The following PCNX2 variants were observed in gnomAD, a reference collection of about 807,000 sequenced individuals.
The protein encoded by PCNX2 is pecanex 2, also known as pecanex-like protein 2.
In PCNX2, 168 loss-of-function variants were observed where a neutral mutation model predicts 223.8. The observed-to-expected ratio is 0.75, with a 90% CI of 0.66 to 0.85. The LOEUF is 0.85. PCNX2 is among the 40% of genes least tolerant of loss of function. The pLI is 0.00. For synonymous variants in PCNX2, 1,006 were observed against 1,052.6 expected (o/e 0.96, Z 0.86); for missense variants, 2,507 against 2,675.5 (o/e 0.94, Z 1.39).
At chr1:233,040,892 T>C (rs1671622434) in intron 25 of PCNX2, among the ~76,000 whole-genome samples, 1 of 152,194 alleles carries the variant, frequency 6.6e-6, no homozygotes, top group Non-Finnish European at 1.5e-5. Context: ...TCTAAAGATA[T>C]CAGTTTGAAA....
intron 1 of PCNX2, among the ~76,000 whole-genome samples, chr1:233,283,194 TA>T: frequency 6.6e-6 from 1 of 152,214 alleles, no homozygotes; most frequent in East Asian, 1.9e-4. Flanking sequence ...AAATATGAAA[TA>T]ATGGAAGGAG....
intron 21 of PCNX2, among the ~76,000 whole-genome samples, chr1:233,125,464 C>T (rs1319888229): frequency 2.0e-5 from 3 of 152,176 alleles, no homozygotes; most frequent in Non-Finnish European, 2.9e-5. Context: ...CTCACATGCA[C>T]CAGTATGTTA....
chr1:233,097,164 T>C (rs1674221222), intron 21 of PCNX2, among the ~76,000 whole-genome samples: 1 of 152,158 alleles, frequency 6.6e-6, no homozygotes, highest in South Asian at 2.1e-4. Context: ...TGGTTATGCA[T>C]AGAACCCCTG....
chr1:232,993,379 T>A (rs1386442897), intron 32 of PCNX2, among the ~76,000 whole-genome samples: 3 of 152,210 alleles, frequency 2.0e-5, no homozygotes, highest in Non-Finnish European at 4.4e-5. Context: ...TTGAGAGAGA[T>A]GATTTAGGGT....
chr1:233,001,720 G>T lies in PCNX2; in HGVS notation c.4953-39C>A. 1 of 1,481,492 alleles carries T rather than the reference G, an allele frequency of 6.7e-7. No homozygotes were observed. Among genetic ancestry groups the T allele is most frequent in the South Asian group, 1.5e-5 (1 of 68,452 alleles). The allele number at this position is 1,481,492 out of a possible 1,614,324, so 91.8% of individuals were successfully genotyped here. A position where few individuals can be genotyped will look rare whatever the true frequency, so the allele number is the denominator to read the frequency against. On this transcript the variant is annotated intron_variant, in intron 28 of 33. Transcript: ENST00000258229. The surrounding 1 kb of genome is among the most constrained non-coding windows in gnomAD (Gnocchi z 4.2). ...TCCTATTACTATGGAACAAATTTCAGAATCCTGTCATTGTGAGCAAAGTTT... is the reference window on the plus strand; with the variant it reads ...TCCTATTACTATGGAACAAATTTCATAATCCTGTCATTGTGAGCAAAGTTT...
chr1:233,225,418 T>C (rs1042726643), intron 10 of PCNX2, among the ~76,000 whole-genome samples: 7 of 152,270 alleles, frequency 4.6e-5, no homozygotes, highest in South Asian at 2.1e-4. Flanking sequence ...CCTAAGATCA[T>C]AGCACTAATA....
At chr1:233,227,441 T>C in intron 9 of PCNX2, 70 bp from the exon 10 acceptor site, 1 of 1,379,106 alleles carries the variant, frequency 7.3e-7, no homozygotes, top group Non-Finnish European at 9.8e-7. Context: ...CAAATATATA[T>C]ATATATGTAT....
intron 1 of PCNX2, among the ~76,000 whole-genome samples, chr1:233,282,256 A>G (rs1393551187): frequency 1.3e-5 from 2 of 152,006 alleles, no homozygotes; most frequent in African/African-American, 4.8e-5. Context: ...CTGGGGCCTC[A>G]CTGTTAGCAC....
At chr1:233,209,593 C>T (rs1681710213) in intron 12 of PCNX2, among the ~76,000 whole-genome samples, 1 of 152,172 alleles carries the variant, frequency 6.6e-6, no homozygotes, top group South Asian at 2.1e-4. Flanking sequence ...CTGCCTTGAA[C>T]ACGTTATATT....
chr1:233,220,255 T>C (rs1308059096), intron 10 of PCNX2, among the ~76,000 whole-genome samples: 2 of 152,238 alleles, frequency 1.3e-5, no homozygotes, highest in Non-Finnish European at 2.9e-5. Context: ...TCATGTGCAG[T>C]GTTTTGCATG....
At chr1:233,191,211 G>A (rs1998274) in intron 15 of PCNX2, among the ~76,000 whole-genome samples, 44,073 of 152,076 alleles carry the variant, frequency 0.29, 7,364 homozygotes, top group East Asian at 0.57. Context: ...AATGCATGTT[G>A]AGTTCCTGAG....
rs118160897 is a variant in PCNX2, at chr1:233,060,786, C to A, written c.4077-3496G>T. Among the ~76,000 whole-genome samples, 202 of 152,326 alleles carry A rather than the reference C, an allele frequency of 1.3e-3. 9 individuals are homozygous for A. In the East Asian group the frequency reaches 0.034, roughly 25 times the overall value. On this transcript the variant is annotated intron_variant, in intron 23 of 33. Transcript: ENST00000258229. ...GCATGCATGGTCTTCCTAGCACTTG[C>A]CTGACAAAGTCACTGTGCATTGCTG...
rs1669673590 is a variant in PCNX2, at chr1:232,990,876, G to T, written c.5792-4336C>A. On this transcript the variant is annotated intron_variant, in intron 32 of 33. Transcript: ENST00000258229. This position sits in a 1 kb window ranked among gnomAD's most constrained non-coding sequence, Gnocchi z 4.3. ...CCCAGGGCGGACCTTGGGCCTACTT[G>T]CAGGCACGTGCACCCCCAGACGGGC... 6.6e-6 allele frequency among the ~76,000 whole-genome samples: 1 copy of T among 152,156 alleles called. No homozygotes were observed. Among genetic ancestry groups the T allele is most frequent in the Admixed American group, 6.5e-5 (1 of 15,282 alleles).
intron 1 of PCNX2, among the ~76,000 whole-genome samples, chr1:233,286,223 G>C (rs1014465270): frequency 6.6e-6 from 1 of 152,140 alleles, no homozygotes; most frequent in East Asian, 1.9e-4. Flanking sequence ...AGTCAGAAGA[G>C]AAGCGCTTCA....
chr1:233,321,957 G>C, the PCNX2 span, among the ~76,000 whole-genome samples: 1 of 152,080 alleles, frequency 6.6e-6, no homozygotes, highest in Non-Finnish European at 1.5e-5. Flanking sequence ...AGATCTCAGG[G>C]GTCTCTCAGG....
Position 233,227,227 on chromosome 1 carries a change from G to A in PCNX2, c.2503C>T (p.Arg835Ter), listed in dbSNP as rs74147307. ...DRLTLLALLD[R>*]TEDIKENVLA... is the part of the protein sequence containing the mutation. ...GTGTGTGCATGCTCAGTGGCTTACC[G>A]ATCAAGTAATGCCAGCAAGGTCAGT... Residue 835 changes from arginine to a stop codon, truncating the protein, a stop_gained and splice_region_variant, in exon 10 of 34, where the codon CGA (arginine) becomes TGA (stop). Transcript: ENST00000258229. LOFTEE classifies it high-confidence loss of function. 7 of 1,611,270 alleles carry A rather than the reference G, an allele frequency of 4.3e-6. No individual in the cohort carries two copies. Among genetic ancestry groups the A allele is most frequent in the South Asian group, 2.2e-5 (2 of 90,552 alleles).
intron 23 of PCNX2, among the ~76,000 whole-genome samples, chr1:233,077,335 G>C (rs1346907533): frequency 6.6e-6 from 1 of 152,100 alleles, no homozygotes; most frequent in Non-Finnish European, 1.5e-5. Context: ...GGAGCACAGG[G>C]ACAAAATTTG....
intron 23 of PCNX2, among the ~76,000 whole-genome samples, chr1:233,081,270 T>C (rs1319485291): frequency 1.3e-5 from 2 of 152,086 alleles, no homozygotes; most frequent in African/African-American, 2.4e-5. Flanking sequence ...TGCTCAAACC[T>C]GGGAGGCGGA....
intron 21 of PCNX2, among the ~76,000 whole-genome samples, chr1:233,123,709 T>G (rs917367746): frequency 6.6e-6 from 1 of 152,190 alleles, no homozygotes; most frequent in South Asian, 2.1e-4. Context: ...GTTGTGGACC[T>G]AGATATGAAT....
Sources: gnomAD v4.1 joint callset for allele counts (sites outside exome capture counted in the v4.1 genomes callset) on GRCh38, gnomAD v4.1.1 for gene constraint, Gnocchi (gnomAD v3.1) non-coding constraint, MANE v1.5 for transcripts, NCBI Gene and HGNC (gene_info 2026-07-23, HGNC 2026-07-21) for gene names.